The following KLRG1 variants were observed in gnomAD, a reference collection of about 807,000 sequenced individuals.
The protein encoded by KLRG1 is killer cell lectin like receptor G1, also known as killer cell lectin-like receptor subfamily G member 1.
A neutral mutation model predicts 21.8 loss-of-function variants in KLRG1; 16 were observed. The ratio of observed to expected loss-of-function variants is 0.73; its 90% CI spans 0.50 to 1.11. KLRG1 has a LOEUF of 1.11. Among genes scored for constraint, KLRG1 ranks in the 50% most tolerant of loss-of-function variants. The probability of loss-of-function intolerance (pLI) is 0.00; values close to 1 mark genes in which losing one functional copy is unlikely to be tolerated. For missense variants in KLRG1, 173 were observed against 218.3 expected, an observed-to-expected ratio of 0.79 and a Z score of 1.31; for synonymous variants, 69 against 75.9, an observed-to-expected ratio of 0.91 and a Z score of 0.47.
the KLRG1 span, among the ~76,000 whole-genome samples, chr12:9,108,220 G>T: frequency 6.6e-6 from 1 of 152,204 alleles, no homozygotes; most frequent in African/African-American, 2.4e-5. Flanking sequence ...CCACCTCCTG[G>T]GTTCATGCCA....
chr12:9,187,757 C>G, the KLRG1 span, among the ~76,000 whole-genome samples: 15 of 152,212 alleles, frequency 9.9e-5, no homozygotes, highest in Admixed American at 7.8e-4. Flanking sequence ...CCTCACATCA[C>G]AACTGAAAGA....
At chr12:9,115,301 C>T in the KLRG1 span, 1 of 155,166 alleles carries the variant, frequency 6.4e-6, no homozygotes, top group Admixed American at 6.3e-5. Context: ...GAGTCCCTTG[C>T]TTTTTCAATA....
rs1214764830 is a variant in KLRG1 at position 8,964,338 on chromosome 12, G to C, written c.-156+14102G>C. 2.6e-5 allele frequency among the ~76,000 whole-genome samples: 4 copies of C among 152,186 alleles called. No individual in the cohort carries two copies. The East Asian group carries it at 7.7e-4, about 29-fold the overall frequency. ...CAGATTGCTCAGCTTCTATGTAGTTGAGTGGTTTTGAGTGAGTTTCTTAAT... is the reference window on the plus strand; with the variant it reads ...CAGATTGCTCAGCTTCTATGTAGTTCAGTGGTTTTGAGTGAGTTTCTTAAT... On this transcript the variant is annotated intron_variant, in intron 1 of 4. Transcript: ENST00000539240.
the KLRG1 span, among the ~76,000 whole-genome samples, chr12:9,177,327 C>T: frequency 1.3e-5 from 2 of 152,190 alleles, no homozygotes; most frequent in African/African-American, 2.4e-5. Context: ...GGAACTGAGG[C>T]CTCCTGCCAA....
chr12:9,098,377 T>G, the KLRG1 span: 1 of 243,324 alleles, frequency 4.1e-6, no homozygotes, highest in Non-Finnish European at 7.4e-6. Flanking sequence ...AATTCTTTTA[T>G]TTGATTCAAT....
At chr12:9,148,769 A>C in the KLRG1 span, 1 of 511,800 alleles carries the variant, frequency 2.0e-6, no homozygotes, top group Non-Finnish European at 3.4e-6. Flanking sequence ...CACCAAAATT[A>C]AACAGAAAGA....
At chr12:9,059,993 C>A in the KLRG1 span, among the ~76,000 whole-genome samples, 1 of 117,886 alleles carries the variant, frequency 8.5e-6, no homozygotes. Flanking sequence ...CCAGCCCTGG[C>A]ATCTTTTTTT....
chr12:9,184,243 C>T, the KLRG1 span, among the ~76,000 whole-genome samples: 1 of 152,206 alleles, frequency 6.6e-6, no homozygotes, highest in Admixed American at 6.5e-5. Context: ...AGGCACTAAG[C>T]TCGCCAACCC....
the KLRG1 span, chr12:9,160,618 T>G: frequency 1.2e-6 from 1 of 840,822 alleles, no homozygotes; most frequent in Non-Finnish European, 1.8e-6. Flanking sequence ...ACACAGAGTG[T>G]GACTTCCAGA....
the KLRG1 span, chr12:9,080,150 A>C: frequency 6.3e-7 from 1 of 1,587,486 alleles, no homozygotes; most frequent in Non-Finnish European, 8.6e-7. Flanking sequence ...TGGCAGTTTC[A>C]GGGATAATTC....
chr12:9,079,664 G>T, the KLRG1 span: 2 of 1,613,506 alleles, frequency 1.2e-6, no homozygotes, highest in Non-Finnish European at 1.7e-6. Context: ...CAATGGCCTT[G>T]GACTTGATCT....
rs150554774 is a variant in KLRG1, at chr12:8,975,055, C to G, written c.-155-17151C>G. ...CGATTACAGGCACCTGTCACCATGCCTGGCTAATTTTTTTTTGTATTTTTA... is the reference window on the plus strand; with the variant it reads ...CGATTACAGGCACCTGTCACCATGCGTGGCTAATTTTTTTTTGTATTTTTA... On this transcript the variant is annotated intron_variant, in intron 1 of 4. Transcript: ENST00000539240. Among the ~76,000 whole-genome samples the G allele has an allele frequency of 8.4e-3, 1,272 of 152,064 alleles. 5 individuals are homozygous for G. The highest frequency in any genetic ancestry group is 0.013 in the Non-Finnish European group (864 of 67,972).
In KLRG1 at chr12:8,967,173, C is replaced by T. The variant is rs1437480482; in HGVS notation, c.-156+16937C>T. ...ACACAGGAAGGGGAACATCACACAC[C>T]GGGGACTGTTGTGGGGTGGGGGGAG... On this transcript the variant is annotated intron_variant, in intron 1 of 4. Coordinates refer to the KLRG1 transcript ENST00000539240. Among the ~76,000 whole-genome samples the T allele has an allele frequency of 1.2e-4, 13 of 104,714 alleles. No individual in the cohort carries two copies. In the East Asian group the frequency reaches 2.2e-3, roughly 17 times the overall value. 68.7% of individuals were successfully genotyped at this position (104,714 alleles called of 152,430 possible). A position where few individuals can be genotyped will look rare whatever the true frequency, so the allele number is the denominator to read the frequency against.
At chr12:9,172,656 T>G in the KLRG1 span, among the ~76,000 whole-genome samples, 1 of 151,530 alleles carries the variant, frequency 6.6e-6, no homozygotes, top group African/African-American at 2.4e-5. Context: ...ACCAAGCAAA[T>G]GGAAAACAGA....
At chr12:9,198,852 G>T in the KLRG1 span, among the ~76,000 whole-genome samples, 2 of 152,096 alleles carry the variant, frequency 1.3e-5, no homozygotes, top group Non-Finnish European at 2.9e-5. Context: ...TAACTCCTTG[G>T]CCATTGCTCT....
At chr12:9,153,323 A>G in the KLRG1 span, 1 of 1,613,424 alleles carries the variant, frequency 6.2e-7, no homozygotes. Flanking sequence ...TGGACAGGGC[A>G]TGGAGAGCCA....
intron 1 of KLRG1, among the ~76,000 whole-genome samples, chr12:8,978,641 T>TTTCTTTCTTTCC (rs1416529174): frequency 0.17 from 1,471 of 8,782 alleles, 25 homozygotes; most frequent in African/African-American, 0.26. Flanking sequence ...TTTTCTTTCT[T>TTTCTTTCTTTCC]TTCTTTCTTT....
At chr12:9,028,293 A>C in the KLRG1 span, among the ~76,000 whole-genome samples, 2 of 151,898 alleles carry the variant, frequency 1.3e-5, no homozygotes, top group South Asian at 4.2e-4. Context: ...CTGGGATTAC[A>C]GGCGTGTGCC....
chr12:8,993,356 T>C (rs1436248566), intron 2 of KLRG1, among the ~76,000 whole-genome samples: 1 of 152,140 alleles, frequency 6.6e-6, no homozygotes, highest in Non-Finnish European at 1.5e-5. Context: ...TGGCGTGATC[T>C]CGGCTCACTG....
Sources: gnomAD v4.1 joint callset for allele counts (sites outside exome capture counted in the v4.1 genomes callset) on GRCh38, gnomAD v4.1.1 for gene constraint, MANE v1.5 for transcripts, NCBI Gene and HGNC (gene_info 2026-07-23, HGNC 2026-07-21) for gene names.